Variants in ADK observed in about 807,000 individuals in gnomAD.
ADK encodes adenosine kinase, also known as N6,N6-dimethyladenosine kinase.
Under a neutral mutation model 44.7 loss-of-function variants are expected in ADK, and 24 were observed. The observed-to-expected ratio is 0.54, with a 90% CI of 0.39 to 0.76. The LOEUF (loss-of-function observed/expected upper bound fraction) is 0.76, where lower values mean the gene tolerates loss of function less well. Among genes scored for constraint, ADK ranks in the 30% least tolerant of loss-of-function variants. The pLI is 0.00. For synonymous variants in ADK, 128 were observed against 142.6 expected, an observed-to-expected ratio of 0.90 and a Z score of 0.73; for missense variants, 321 against 425.1, an observed-to-expected ratio of 0.76 and a Z score of 2.15.
At chr10:74,547,090 A>T (rs1447532418) in intron 7 of ADK, among the ~76,000 whole-genome samples, 6 of 152,106 alleles carry the variant, frequency 3.9e-5, no homozygotes, top group Admixed American at 1.3e-4. Flanking sequence ...ATGATTTACA[A>T]TCTAGGAAAG....
rs548418779 is a variant in ADK, at chr10:74,269,913, G to C, written c.195-44754G>C. Reference sequence around the variant, plus strand: ...CTCGGGAGGCTGAGGCAGGAGAATCGCTTGAACCCAGGAGGTGGAAATTGC... The same window carrying C: ...CTCGGGAGGCTGAGGCAGGAGAATCCCTTGAACCCAGGAGGTGGAAATTGC... On this transcript the variant is annotated intron_variant, in intron 3 of 10. Coordinates refer to ENST00000539909, the MANE Select transcript of ADK (RefSeq NM_006721.4). 1.8e-4 allele frequency among the ~76,000 whole-genome samples: 27 copies of C among 152,068 alleles called. 1 individual carries two copies. The highest frequency in any genetic ancestry group is 6.5e-4 in the African/African-American group (27 of 41,398).
At chr10:74,438,512 G>A (rs1845270962) in intron 6 of ADK, among the ~76,000 whole-genome samples, 1 of 151,934 alleles carries the variant, frequency 6.6e-6, no homozygotes, top group African/African-American at 2.4e-5. Context: ...TTACAGGCAT[G>A]AGCCACTGCC....
chr10:74,386,308 TA>T (rs555213439), intron 4 of ADK, among the ~76,000 whole-genome samples: 20 of 152,326 alleles, frequency 1.3e-4, no homozygotes, highest in Admixed American at 7.2e-4. Flanking sequence ...TTTTAGTACC[TA>T]GGTGTCATTC....
At chr10:74,598,055 C>T (rs904939281) in intron 8 of ADK, among the ~76,000 whole-genome samples, 1 of 152,100 alleles carries the variant, frequency 6.6e-6, no homozygotes, top group Admixed American at 6.6e-5. Context: ...TTAATGTGAA[C>T]ATTTTCTTAG....
intron 6 of ADK, among the ~76,000 whole-genome samples, chr10:74,419,213 A>G (rs1354372811): frequency 6.6e-6 from 1 of 152,122 alleles, no homozygotes; most frequent in African/African-American, 2.4e-5. Flanking sequence ...CAACAACAGT[A>G]TTTTAGTGCA....
At chr10:74,601,823 T>C (rs1852132147) in intron 9 of ADK, among the ~76,000 whole-genome samples, 1 of 151,352 alleles carries the variant, frequency 6.6e-6, no homozygotes, top group Non-Finnish European at 1.5e-5. Flanking sequence ...GTGGGCACAG[T>C]GGCTCACACC....
intron 2 of ADK, among the ~76,000 whole-genome samples, chr10:74,203,665 A>T (rs1843480993): frequency 6.6e-6 from 1 of 151,884 alleles, no homozygotes; most frequent in African/African-American, 2.4e-5. Flanking sequence ...ATTAGCCACC[A>T]TACCTGGCCT....
At chr10:74,628,982 G>A (rs563747370) in intron 9 of ADK, among the ~76,000 whole-genome samples, 2 of 152,174 alleles carry the variant, frequency 1.3e-5, no homozygotes, top group East Asian at 3.9e-4. Context: ...AAGCTTTGCA[G>A]TCACAATTAG....
intron 7 of ADK, among the ~76,000 whole-genome samples, chr10:74,543,666 G>A (rs1849727258): frequency 6.6e-6 from 1 of 152,146 alleles, no homozygotes. Context: ...TTTTTAATGG[G>A]GTTATTTTAA....
At chr10:74,395,587 T>G (rs1035696725) in intron 5 of ADK, among the ~76,000 whole-genome samples, 2 of 152,174 alleles carry the variant, frequency 1.3e-5, no homozygotes, top group Admixed American at 1.3e-4. Context: ...ACCTTTGCCC[T>G]TAGTTTTCCC....
At chr10:74,321,498 G>A (rs1030223757) in intron 4 of ADK, among the ~76,000 whole-genome samples, 1 of 151,750 alleles carries the variant, frequency 6.6e-6, no homozygotes, top group African/African-American at 2.4e-5. Context: ...TAACCGGGCT[G>A]GTCTTGAACT....
rs547262026 is a variant in ADK, at chr10:74,664,712, A to G, written c.878-5471A>G. Among the ~76,000 whole-genome samples the G allele has an allele frequency of 3.9e-5, 6 of 152,174 alleles. No homozygotes were observed. In the South Asian group the frequency reaches 1.2e-3, roughly 32 times the overall value. ...ACAAAAATTAGCCGGGCATGGTGGT[A>G]CACACCTGTAGTCCCAGCTACTCAG... is the stretch of plus-strand genomic sequence containing the variant. On this transcript the variant is annotated intron_variant, in intron 9 of 10. Transcript: ENST00000539909.
At position 74,427,883 on chromosome 10, in the gene ADK, G is replaced by A. The variant is rs1049226651; in HGVS notation, c.555+29304G>A. Among the ~76,000 whole-genome samples the A allele has an allele frequency of 5.3e-5, 8 of 152,076 alleles. No individual in the cohort carries two copies. In the East Asian group the frequency reaches 5.8e-4, roughly 11 times the overall value. On this transcript the variant is annotated intron_variant, in intron 6 of 10. Transcript: ENST00000539909. ...CCTAAGGCTGCTGTAATAAATTACCGTAAACTTAACAGAAATTTATTCTTT... is the reference window on the plus strand; with the variant it reads ...CCTAAGGCTGCTGTAATAAATTACCATAAACTTAACAGAAATTTATTCTTT...
At chr10:74,291,794 A>G (rs562418698) in intron 3 of ADK, among the ~76,000 whole-genome samples, 2 of 150,600 alleles carry the variant, frequency 1.3e-5, no homozygotes, top group South Asian at 4.2e-4. Flanking sequence ...AATTTTGGCT[A>G]CCTTTGTATT....
At chr10:74,540,099 T>A (rs911429297) in intron 7 of ADK, among the ~76,000 whole-genome samples, 1 of 152,194 alleles carries the variant, frequency 6.6e-6, no homozygotes, top group African/African-American at 2.4e-5. Flanking sequence ...ATCCCCAATC[T>A]AACATCCATC....
chr10:74,190,006 A>G (rs1316166282), intron 1 of ADK, among the ~76,000 whole-genome samples: 1 of 152,148 alleles, frequency 6.6e-6, no homozygotes, highest in Non-Finnish European at 1.5e-5. Flanking sequence ...TGAGAGATAT[A>G]TGGGTTATTT....
At chr10:74,561,315 C>G (rs1330378401) in intron 7 of ADK, among the ~76,000 whole-genome samples, 1 of 152,150 alleles carries the variant, frequency 6.6e-6, no homozygotes, top group Non-Finnish European at 1.5e-5. Context: ...TTTTAGCCTG[C>G]TAGATGTTGT....
chr10:74,675,710 T>C (rs1855361841), intron 10 of ADK, among the ~76,000 whole-genome samples: 1 of 152,214 alleles, frequency 6.6e-6, no homozygotes, highest in Admixed American at 6.5e-5. Context: ...AATGGAAACA[T>C]TGAGAACATT....
At chr10:74,185,584 GC>G (rs1219378146) in intron 1 of ADK, among the ~76,000 whole-genome samples, 3 of 149,622 alleles carry the variant, frequency 2.0e-5, no homozygotes, top group Non-Finnish European at 4.4e-5. Context: ...TGTAATCCCA[GC>G]ACTTTGGGAG....
Sources: gnomAD v4.1 joint callset for allele counts (sites outside exome capture counted in the v4.1 genomes callset) on GRCh38, gnomAD v4.1.1 for gene constraint, MANE v1.5 for transcripts, NCBI Gene and HGNC (gene_info 2026-07-23, HGNC 2026-07-21) for gene names.